The following COG5 variants were observed in gnomAD, a reference collection of about 807,000 sequenced individuals.
COG5 encodes conserved oligomeric Golgi complex subunit 5.
A neutral mutation model predicts 110.4 loss-of-function variants in COG5; 86 were observed. That is an observed-to-expected ratio of 0.78 (90% CI 0.65 to 0.93). The LOEUF (loss-of-function observed/expected upper bound fraction) is 0.93. COG5 is among the 40% of genes least tolerant of loss of function. COG5 has a pLI of 0.00. For missense variants in COG5, 1,077 were observed against 987.0 expected (o/e 1.09, Z -1.22); for synonymous variants, 360 against 334.6 (o/e 1.08, Z -0.83).
At chr7:107,362,187 C>T in intron 9 of COG5, 77 bp from the exon 10 acceptor site, 3 of 1,333,258 alleles carry the variant, frequency 2.3e-6, no homozygotes, top group Non-Finnish European at 3.2e-6. Flanking sequence ...CGTACATTAT[C>T]ATCAGCTAGT....
chr7:107,497,891 T>C (rs1798380229), intron 6 of COG5, among the ~76,000 whole-genome samples: 1 of 152,070 alleles, frequency 6.6e-6, no homozygotes, highest in Non-Finnish European at 1.5e-5. Flanking sequence ...TATATATACA[T>C]ACACAAAGCT....
Position 107,548,183 on chromosome 7 carries a change from A to T in COG5, c.348-3T>A. 6.2e-7 allele frequency: 1 copy of T among 1,613,184 alleles called. No homozygotes were observed. Among genetic ancestry groups the T allele is most frequent in the East Asian group, 2.2e-5 (1 of 44,836 alleles). ...GTTCAACAATTTTTGCTTTTATCCT[A>T]CAGGAAAAGAGAGGAGTGAGAATAA... is the stretch of plus-strand genomic sequence containing the variant. On this transcript the variant is annotated splice_polypyrimidine_tract_variant and splice_region_variant and intron_variant, in intron 4 of 21. Transcript: ENST00000297135.
intron 14 of COG5, among the ~76,000 whole-genome samples, chr7:107,262,508 A>G (rs550609168): frequency 6.6e-6 from 1 of 152,114 alleles, no homozygotes; most frequent in Non-Finnish European, 1.5e-5. Context: ...CACTTAGGAA[A>G]ATTCTAGTCC....
rs959104948 is a variant in COG5, at chr7:107,322,520, T to TA, written c.1108+1919dup. 4.6e-5 allele frequency among the ~76,000 whole-genome samples: 7 copies of TA among 151,580 alleles called. No homozygotes were observed. In the East Asian group the frequency reaches 7.7e-4, roughly 17 times the overall value. ...AGTCTAGTGGAAGCTAAAACCCCAA[T>TA]AAAAAAAACTAGTACACACCCACTG... On this transcript the variant is annotated intron_variant, in intron 11 of 21. Coordinates refer to ENST00000297135, the MANE Select transcript of COG5 (RefSeq NM_006348.5).
At chr7:107,208,264 A>G in intron 21 of COG5, 1 of 985,446 alleles carries the variant, frequency 1.0e-6, no homozygotes, top group Non-Finnish European at 1.2e-6. Flanking sequence ...CTTTTTAAAA[A>G]AGCATGACAG....
intron 6 of COG5, among the ~76,000 whole-genome samples, chr7:107,494,617 G>A (rs1374286604): frequency 6.6e-6 from 1 of 152,102 alleles, no homozygotes; most frequent in Non-Finnish European, 1.5e-5. Flanking sequence ...CTAGGTTTGT[G>A]TAAATACACT....
At chr7:107,368,133 C>A (rs1813795178) in intron 8 of COG5, among the ~76,000 whole-genome samples, 1 of 151,558 alleles carries the variant, frequency 6.6e-6, no homozygotes, top group South Asian at 2.1e-4. Context: ...GACTTAGTAA[C>A]AAATGACTTC....
chr7:107,279,498 AG>A (rs1804992452), intron 14 of COG5, among the ~76,000 whole-genome samples: 1 of 152,194 alleles, frequency 6.6e-6, no homozygotes, highest in South Asian at 2.1e-4. Context: ...AAATGTTTTC[AG>A]TCAAATTATT....
chr7:107,358,693 T>C (rs1373580155), intron 10 of COG5, among the ~76,000 whole-genome samples: 1 of 152,224 alleles, frequency 6.6e-6, no homozygotes, highest in African/African-American at 2.4e-5. Flanking sequence ...CCTGCTTTTC[T>C]ACTGGGAGTC....
intron 6 of COG5, among the ~76,000 whole-genome samples, chr7:107,455,592 A>AT (rs1303652504): frequency 3.3e-5 from 5 of 152,188 alleles, no homozygotes; most frequent in Admixed American, 6.5e-5. Flanking sequence ...TAAAATATTT[A>AT]TTATCTGGCC....
intron 19 of COG5, 83 bp from the exon 20 acceptor site, chr7:107,211,308 A>T: frequency 6.6e-7 from 1 of 1,508,892 alleles, no homozygotes; most frequent in East Asian, 2.3e-5. Flanking sequence ...TCCTTGTAGA[A>T]TAGCATTTTT....
intron 21 of COG5, chr7:107,210,189 TA>T: frequency 8.7e-7 from 1 of 1,149,182 alleles, no homozygotes; most frequent in Non-Finnish European, 1.1e-6. Flanking sequence ...CTGCAGCACA[TA>T]AAAATGAAGT....
intron 1 of COG5, among the ~76,000 whole-genome samples, chr7:107,559,027 C>T (rs1224604818): frequency 6.8e-6 from 1 of 146,910 alleles, no homozygotes; most frequent in Non-Finnish European, 1.5e-5. Context: ...TATATATATA[C>T]ACATATGTAA....
chr7:107,363,806 T>G (rs1279912378), intron 8 of COG5, among the ~76,000 whole-genome samples: 2 of 151,922 alleles, frequency 1.3e-5, no homozygotes, highest in Non-Finnish European at 2.9e-5. Context: ...AAATACAGAA[T>G]TAGCCAGGCA....
intron 14 of COG5, among the ~76,000 whole-genome samples, chr7:107,278,038 A>G (rs1804843916): frequency 6.6e-6 from 1 of 152,182 alleles, no homozygotes; most frequent in Non-Finnish European, 1.5e-5. Context: ...AACTAAGTAT[A>G]CTAAAACGTT....
At chr7:107,416,258 GA>G (rs1247194191) in intron 6 of COG5, among the ~76,000 whole-genome samples, 3 of 151,596 alleles carry the variant, frequency 2.0e-5, no homozygotes, top group Non-Finnish European at 4.4e-5. Flanking sequence ...ATCAATAAAA[GA>G]AAAAAATTTT....
At chr7:107,292,148 C>T (rs991422391) in intron 12 of COG5, among the ~76,000 whole-genome samples, 11 of 152,112 alleles carry the variant, frequency 7.2e-5, no homozygotes, top group African/African-American at 2.7e-4. Context: ...GTGATCCTCC[C>T]ACCTCAGCCT....
intron 6 of COG5, among the ~76,000 whole-genome samples, chr7:107,449,302 A>C (rs1223296681): frequency 6.6e-6 from 1 of 152,184 alleles, no homozygotes; most frequent in Non-Finnish European, 1.5e-5. Context: ...CACGTTCTCC[A>C]CATGTATCCA....
At chr7:107,313,465 C>T (rs936965441) in intron 11 of COG5, among the ~76,000 whole-genome samples, 1 of 152,176 alleles carries the variant, frequency 6.6e-6, no homozygotes, top group African/African-American at 2.4e-5. Context: ...CTGACAGTAC[C>T]TAATAAGCTG....
Sources: gnomAD v4.1 joint callset for allele counts (sites outside exome capture counted in the v4.1 genomes callset) on GRCh38, gnomAD v4.1.1 for gene constraint, MANE v1.5 for transcripts, NCBI Gene and HGNC (gene_info 2026-07-23, HGNC 2026-07-21) for gene names.